CENPC: variants seen among roughly 807,000 people sequenced by gnomAD.
CENPC encodes centromere protein C, also known as CENP-C 1.
In CENPC, 63 loss-of-function variants were observed where a neutral mutation model predicts 112.1. That is an observed-to-expected ratio of 0.56 (90% CI 0.46 to 0.69). The LOEUF (loss-of-function observed/expected upper bound fraction) is 0.69. CENPC is among the 30% of genes least tolerant of loss of function. CENPC has a pLI of 0.00. For synonymous variants in CENPC, 333 were observed against 367.6 expected (o/e 0.91, Z 1.08); for missense variants, 1,000 against 1,103.8 (o/e 0.91, Z 1.33).
intron 5 of CENPC, among the ~76,000 whole-genome samples, chr4:67,522,360 C>T (rs1039253238): frequency 2.0e-5 from 3 of 152,142 alleles, no homozygotes; most frequent in East Asian, 1.9e-4. Context: ...ACAGAAGGGA[C>T]GGATTCTTCC....
chr4:67,530,986 T>A, intron 4 of CENPC, 72 bp from the exon 5 acceptor site: 2 of 701,420 alleles, frequency 2.9e-6, no homozygotes, highest in Non-Finnish European at 4.5e-6. Flanking sequence ...TATTTGTTTT[T>A]TAAATGGGGG....
intron 17 of CENPC, among the ~76,000 whole-genome samples, chr4:67,484,394 A>G (rs553365325): frequency 3.3e-5 from 5 of 152,104 alleles, no homozygotes; most frequent in Non-Finnish European, 5.9e-5. Context: ...GATGTCCCCA[A>G]CCCCCAGGAC....
chr4:67,514,547 G>A lies in CENPC; in HGVS notation c.971C>T (p.Ala324Val), dbSNP rs1194108145. 3 of 1,611,910 alleles carry A rather than the reference G, an allele frequency of 1.9e-6. No homozygotes were observed. The highest frequency in any genetic ancestry group is 2.5e-6 in the Non-Finnish European group (3 of 1,179,050). ...TATTGTGCGTTGTTTCAGAGACCCT[G>A]CCTTTCTTGGTATTGTAATCCAAGA... ...SRSWITIPRKAGSLKQRTISP... is the reference protein window; with the variant it reads ...SRSWITIPRKVGSLKQRTISP... Residue 324 changes from alanine (A) to valine (V), a missense_variant, in exon 8 of 19, where the codon GCA (alanine) becomes GTA (valine). By Grantham distance (64) the Ala-to-Val change is moderately conservative. Coordinates refer to ENST00000273853, the MANE Select transcript of CENPC (RefSeq NM_001812.4).
chr4:67,474,615 T>C (rs756963527), intron 18 of CENPC: 56 of 329,748 alleles, frequency 1.7e-4, no homozygotes, highest in South Asian at 8.8e-4. Flanking sequence ...CAAGAATCGC[T>C]TGAACCCAGG....
rs1319747561 is a variant in CENPC at position 67,494,015 on chromosome 4, TATAC to T, written c.2186-31_2186-28del. On this transcript the variant is annotated intron_variant, in intron 13 of 18. Transcript: ENST00000273853. The stretch of plus-strand genomic sequence containing the variant: ...TATAAAAAGATGTCAGACAAAAGTG[TATAC>T]ATAGTTTTTAGTTGATGGTACTTAG... 4.1e-6 allele frequency: 6 copies of T among 1,479,486 alleles called. No individual in the cohort carries two copies. The African/African-American group carries it at 6.9e-5, about 17-fold the overall frequency. 91.6% of individuals were successfully genotyped at this position (1,479,486 alleles called of 1,614,324 possible).
chr4:67,519,645 T>G, intron 5 of CENPC, 143 bp from the exon 6 acceptor site: 1 of 646,226 alleles, frequency 1.5e-6, no homozygotes, highest in East Asian at 2.9e-5. Flanking sequence ...CAAAGATCTA[T>G]GATTAAAATA....
intron 11 of CENPC, among the ~76,000 whole-genome samples, 175 bp downstream of exon 11, chr4:67,506,613 A>T (rs1725739393): frequency 6.6e-6 from 1 of 152,208 alleles, no homozygotes; most frequent in Non-Finnish European, 1.5e-5. Context: ...ACCTCCTGAG[A>T]ATATCCGAGC....
intron 17 of CENPC, among the ~76,000 whole-genome samples, chr4:67,485,475 C>G (rs568762300): frequency 2.0e-5 from 3 of 151,332 alleles, no homozygotes; most frequent in African/African-American, 2.4e-5. Context: ...CTTAACCCCC[C>G]CAATGTGATG....
chr4:67,502,317 G>C (rs768360324), intron 12 of CENPC, among the ~76,000 whole-genome samples: 1 of 152,112 alleles, frequency 6.6e-6, no homozygotes, highest in Non-Finnish European at 1.5e-5. Context: ...AAAAAGTACT[G>C]ACACAGCGAG....
rs781745608 is a variant in CENPC at position 67,544,150 on chromosome 4, T to C, written c.64A>G (p.Arg22Gly). ...TAAAAGCTTAAGTACGTAAATCACC[T>C]GGAAGGTCGACAAAATCTTCTTCTG... is the stretch of plus-strand genomic sequence containing the variant. ...GYRRRFCRPS[R>G]ARDINTEQGQ... The change falls in exon 2 of 19, where the codon AGG becomes GGG. Residue 22 changes from arginine (R) to glycine (G), a missense_variant and splice_region_variant. By Grantham distance (125) the Arg-to-Gly change is moderately radical. Coordinates refer to ENST00000273853, the MANE Select transcript of CENPC (RefSeq NM_001812.4). 1 of 1,497,002 alleles carries C rather than the reference T, an allele frequency of 6.7e-7. No individual in the cohort carries two copies. 92.7% of individuals were successfully genotyped at this position (1,497,002 alleles called of 1,614,324 possible). A position where few individuals can be genotyped will look rare whatever the true frequency, so the allele number is the denominator to read the frequency against.
chr4:67,534,189 G>C (rs770732651), intron 4 of CENPC, among the ~76,000 whole-genome samples: 8 of 152,212 alleles, frequency 5.3e-5, no homozygotes, highest in Non-Finnish European at 8.8e-5. Flanking sequence ...GCTGAGGCGG[G>C]TGGATCACCT....
intron 17 of CENPC, among the ~76,000 whole-genome samples, chr4:67,479,082 C>A (rs1724885695): frequency 6.6e-6 from 1 of 152,112 alleles, no homozygotes; most frequent in Non-Finnish European, 1.5e-5. Flanking sequence ...ACAATTACTA[C>A]TAGGCCTAAG....
chr4:67,519,921 CAACT>C (rs1726173696), intron 5 of CENPC, among the ~76,000 whole-genome samples: 1 of 152,136 alleles, frequency 6.6e-6, no homozygotes, highest in African/African-American at 2.4e-5. Context: ...CCTCTAAATA[CAACT>C]AACTTCCCTG....
intron 17 of CENPC, among the ~76,000 whole-genome samples, chr4:67,482,323 T>C (rs1041963961): frequency 2.0e-5 from 3 of 152,172 alleles, no homozygotes; most frequent in African/African-American, 7.2e-5. Context: ...GAATGTAAAC[T>C]AGTACAGCCG....
intron 17 of CENPC, among the ~76,000 whole-genome samples, chr4:67,486,169 C>A (rs1270199188): frequency 6.6e-6 from 1 of 152,086 alleles, no homozygotes; most frequent in Non-Finnish European, 1.5e-5. Flanking sequence ...TTTCTGTAAA[C>A]ATTTAATTAA....
intron 12 of CENPC, among the ~76,000 whole-genome samples, chr4:67,500,281 G>C (rs1326756342): frequency 6.6e-6 from 1 of 151,934 alleles, no homozygotes; most frequent in Non-Finnish European, 1.5e-5. Flanking sequence ...AATAAAACAA[G>C]GTATGCCTGT....
At chr4:67,478,072 A>C (rs999681818) in intron 17 of CENPC, among the ~76,000 whole-genome samples, 14 of 152,174 alleles carry the variant, frequency 9.2e-5, no homozygotes, top group Admixed American at 9.2e-4. Context: ...ACCACACATA[A>C]GAATAATTGG....
At chr4:67,495,283 G>A in intron 12 of CENPC, 71 bp from the exon 13 acceptor site, 1 of 1,350,748 alleles carries the variant, frequency 7.4e-7, no homozygotes. Context: ...TGTGTTTCCT[G>A]GTCAATTTCA....
At chr4:67,517,799 T>G (rs1726102348) in intron 7 of CENPC, among the ~76,000 whole-genome samples, 8 of 152,122 alleles carry the variant, frequency 5.3e-5, no homozygotes. Flanking sequence ...ATTGCGTCAC[T>G]GCACTCCAGC....
Sources: allele counts gnomAD v4.1 joint callset (sites outside exome capture counted in the v4.1 genomes callset), GRCh38; gene constraint gnomAD v4.1.1; transcripts MANE v1.5; gene names NCBI Gene and HGNC (gene_info 2026-07-23, HGNC 2026-07-21).